Variants in ASTN2 observed in about 807,000 individuals in gnomAD.
ASTN2 encodes astrotactin-2.
ASTN2 carries 54 observed loss-of-function variants against 139.8 expected under a neutral mutation model. The ratio of observed to expected loss-of-function variants is 0.39; its 90% CI spans 0.31 to 0.48. The LOEUF (loss-of-function observed/expected upper bound fraction) is 0.48, where lower values mean the gene tolerates loss of function less well. Among genes scored for constraint, ASTN2 ranks in the 20% least tolerant of loss-of-function variants. The pLI is 0.95. For synonymous variants in ASTN2, 756 were observed against 719.5 expected, an observed-to-expected ratio of 1.05 and a Z score of -0.81; for missense variants, 1,565 against 1,725.1, an observed-to-expected ratio of 0.91 and a Z score of 1.64.
At chr9:116,695,898 T>C (rs1860823379) in intron 16 of ASTN2, among the ~76,000 whole-genome samples, 1 of 152,174 alleles carries the variant, frequency 6.6e-6, no homozygotes, top group Admixed American at 6.5e-5. Context: ...GGCACTGCTA[T>C]TTTTTAAATC....
At chr9:117,373,172 A>G (rs1364296827) in intron 1 of ASTN2, among the ~76,000 whole-genome samples, 1 of 152,204 alleles carries the variant, frequency 6.6e-6, no homozygotes, top group Non-Finnish European at 1.5e-5. Flanking sequence ...GCCCATACTG[A>G]AAAGTCAGTG....
At chr9:117,384,390 C>T (rs1312097213) in intron 1 of ASTN2, among the ~76,000 whole-genome samples, 1 of 151,900 alleles carries the variant, frequency 6.6e-6, no homozygotes, top group Non-Finnish European at 1.5e-5. Flanking sequence ...CAGTATAACA[C>T]ATCTCGGCCT....
intron 1 of ASTN2, among the ~76,000 whole-genome samples, chr9:117,343,109 A>G (rs1401522042): frequency 6.6e-6 from 1 of 152,184 alleles, no homozygotes; most frequent in East Asian, 1.9e-4. Flanking sequence ...GGCCAAAATC[A>G]AAGTATGTGC....
At position 116,548,559 on chromosome 9, in the gene ASTN2, G is replaced by A. The variant is rs187129981; in HGVS notation, c.3356-61059C>T. 2.8e-3 allele frequency among the ~76,000 whole-genome samples: 419 copies of A among 152,220 alleles called. 3 individuals are homozygous for A. The highest frequency in any genetic ancestry group is 0.01 in the Middle Eastern group (3 of 294). On this transcript the variant is annotated intron_variant, in intron 19 of 22. Transcript: ENST00000313400. ...GTGATCTCAGCTCATTGCAACCTCTGCCTCCTGGGTTCAAGTGATTCTCCT... is the reference window on the plus strand; with the variant it reads ...GTGATCTCAGCTCATTGCAACCTCTACCTCCTGGGTTCAAGTGATTCTCCT...
intron 3 of ASTN2, among the ~76,000 whole-genome samples, chr9:117,175,470 G>GA (rs1382734043): frequency 1.3e-5 from 2 of 152,074 alleles, no homozygotes; most frequent in Non-Finnish European, 2.9e-5. Flanking sequence ...AGTAATGAGA[G>GA]AAAAATAGCT....
intron 10 of ASTN2, among the ~76,000 whole-genome samples, chr9:116,886,364 C>T (rs978126400): frequency 6.6e-6 from 1 of 152,216 alleles, no homozygotes. Flanking sequence ...GCAATTGTTT[C>T]TTTTTTCTTT....
rs564550298 is a variant in ASTN2, at chr9:116,867,543, C to CT, written c.1890-3811dup. 7.3e-3 allele frequency among the ~76,000 whole-genome samples: 724 copies of CT among 99,596 alleles called. 9 individuals carry two copies. The highest frequency in any genetic ancestry group is 0.028 in the African/African-American group (708 of 24,904). 65.3% of individuals were successfully genotyped at this position (99,596 alleles called of 152,430 possible). Reference sequence around the variant, plus strand: ...CCAGCCTGGGCGACAGAGCGAGACTCTGTCTCAAAAAAAAAAAAAAAAAAA... The same window carrying CT: ...CCAGCCTGGGCGACAGAGCGAGACTCTTGTCTCAAAAAAAAAAAAAAAAAAA... On this transcript the variant is annotated intron_variant, in intron 10 of 22. Transcript: ENST00000313400.
intron 6 of ASTN2, among the ~76,000 whole-genome samples, chr9:117,011,137 C>T (rs902935241): frequency 2.0e-5 from 3 of 152,154 alleles, no homozygotes; most frequent in Admixed American, 6.5e-5. Flanking sequence ...TTCTTATGAA[C>T]TTAGAAGCTC....
chr9:117,084,965 C>T (rs905066431), intron 5 of ASTN2, among the ~76,000 whole-genome samples: 1 of 152,206 alleles, frequency 6.6e-6, no homozygotes, highest in Non-Finnish European at 1.5e-5. Flanking sequence ...GACAGCTCTT[C>T]TTCCCACACA....
At chr9:116,617,540 T>C (rs1384260823) in intron 19 of ASTN2, among the ~76,000 whole-genome samples, 2 of 152,198 alleles carry the variant, frequency 1.3e-5, no homozygotes, top group Non-Finnish European at 2.9e-5. Flanking sequence ...TACCACAAGC[T>C]GAATAACCTT....
At chr9:117,173,675 G>T (rs149054849) in intron 3 of ASTN2, among the ~76,000 whole-genome samples, 54 of 151,990 alleles carry the variant, frequency 3.6e-4, no homozygotes, top group African/African-American at 1.2e-3. Flanking sequence ...CAACATGCAC[G>T]CTACATAGCA....
At chr9:116,649,434 C>A (rs895290924) in intron 17 of ASTN2, among the ~76,000 whole-genome samples, 2 of 151,722 alleles carry the variant, frequency 1.3e-5, no homozygotes, top group Non-Finnish European at 2.9e-5. Flanking sequence ...ATTAGCTGGG[C>A]ATGGTGGCAG....
At chr9:116,481,110 G>T (rs1849153655) in intron 20 of ASTN2, among the ~76,000 whole-genome samples, 1 of 152,140 alleles carries the variant, frequency 6.6e-6, no homozygotes, top group African/African-American at 2.4e-5. Flanking sequence ...GAAGCAGTCT[G>T]GGCATGGTTG....
chr9:116,615,366 C>T (rs1274432087), intron 19 of ASTN2, among the ~76,000 whole-genome samples: 1 of 152,144 alleles, frequency 6.6e-6, no homozygotes, highest in Admixed American at 6.5e-5. Context: ...CCAGCCATCC[C>T]ATTACTGGGT....
intron 19 of ASTN2, among the ~76,000 whole-genome samples, chr9:116,571,484 G>A (rs866931222): frequency 1.3e-5 from 2 of 152,142 alleles, no homozygotes; most frequent in South Asian, 4.1e-4. Context: ...TTTGATCCAT[G>A]TGGAGTTATG....
intron 2 of ASTN2, among the ~76,000 whole-genome samples, chr9:117,254,005 G>A (rs1285381250): frequency 1.3e-5 from 2 of 152,128 alleles, no homozygotes; most frequent in East Asian, 3.9e-4. Flanking sequence ...ACAGCATCCC[G>A]ACAGGCTGGG....
intron 20 of ASTN2, among the ~76,000 whole-genome samples, chr9:116,449,822 A>C (rs1367206147): frequency 1.3e-5 from 2 of 152,134 alleles, no homozygotes; most frequent in African/African-American, 2.4e-5. Context: ...CCACAAGGAG[A>C]GGCCATGTGT....
chr9:116,622,267 A>G (rs1856197838), intron 17 of ASTN2, among the ~76,000 whole-genome samples: 1 of 152,100 alleles, frequency 6.6e-6, no homozygotes, highest in Admixed American at 6.5e-5. Context: ...CTTCCATCAC[A>G]TTTCTCCTGG....
chr9:117,271,092 C>G (rs1343594989), intron 2 of ASTN2, among the ~76,000 whole-genome samples: 1 of 152,148 alleles, frequency 6.6e-6, no homozygotes, highest in East Asian at 1.9e-4. Context: ...GGACTTGTAT[C>G]AGTCCATTTT....
Sources: allele counts gnomAD v4.1 joint callset (sites outside exome capture counted in the v4.1 genomes callset), GRCh38; gene constraint gnomAD v4.1.1; transcripts MANE v1.5; gene names NCBI Gene and HGNC (gene_info 2026-07-23, HGNC 2026-07-21).